ESRRG: variants seen among roughly 807,000 people sequenced by gnomAD.
ESRRG encodes estrogen-related receptor gamma.
ESRRG carries 13 observed loss-of-function variants against 44.0 expected under a neutral mutation model. That is an observed-to-expected ratio of 0.30 (90% CI 0.19 to 0.47). ESRRG has a LOEUF of 0.47. Ranked by LOEUF, ESRRG falls within the 20% of genes least tolerant of loss-of-function variation. The pLI is 1.00. For synonymous variants in ESRRG, 215 were observed against 214.6 expected (o/e 1.00, Z -0.02); for missense variants, 395 against 580.6 (o/e 0.68, Z 3.29).
At chr1:217,040,256 GA>G (rs1460858845) in intron 1 of ESRRG, among the ~76,000 whole-genome samples, 2 of 152,116 alleles carry the variant, frequency 1.3e-5, no homozygotes, top group East Asian at 1.9e-4. Flanking sequence ...GGTCATGGAA[GA>G]AAAAAGTCAC....
intron 1 of ESRRG, among the ~76,000 whole-genome samples, chr1:217,125,659 A>G (rs2092879835): frequency 6.6e-6 from 1 of 152,226 alleles, no homozygotes; most frequent in Non-Finnish European, 1.5e-5. Flanking sequence ...TGATAAAAAC[A>G]TGGCATATCT....
chr1:216,662,376 G>T (rs144188350), intron 2 of ESRRG, among the ~76,000 whole-genome samples: 24 of 152,182 alleles, frequency 1.6e-4, no homozygotes, highest in African/African-American at 5.8e-4. Context: ...ATAAAAGAAG[G>T]TAAAACATTC....
chr1:216,657,576 A>G (rs1173804743), intron 2 of ESRRG, among the ~76,000 whole-genome samples: 1 of 152,114 alleles, frequency 6.6e-6, no homozygotes, highest in Non-Finnish European at 1.5e-5. Context: ...GCCATCACTG[A>G]AGCTATTGTG....
At chr1:216,925,874 C>G (rs769063532) in intron 2 of ESRRG, among the ~76,000 whole-genome samples, 1 of 151,926 alleles carries the variant, frequency 6.6e-6, no homozygotes, top group Non-Finnish European at 1.5e-5. Flanking sequence ...CACTTGAACC[C>G]GGGGGGTGGA....
At position 216,551,790 on chromosome 1, in the gene ESRRG, T is replaced by C. The variant is rs11117615; in HGVS notation, c.862+12429A>G. On this transcript the variant is annotated intron_variant, in intron 5 of 6. Transcript: ENST00000408911. ...GATATAGTAGAGAGGCTGACGGAGA[T>C]TTATTATTGGGTGTGCCTTTAAAGC... Among the ~76,000 whole-genome samples the C allele has an allele frequency of 9.3e-3, 1,422 of 152,156 alleles. 19 individuals carry two copies. Among genetic ancestry groups the C allele is most frequent in the African/African-American group, 0.033 (1,353 of 41,528 alleles).
chr1:217,082,324 A>G lies in ESRRG; in HGVS notation c.-106+7183T>C, dbSNP rs534171226. ...CTTCTTCACCACCTGAAACCAAGTA[A>G]CTTTACCATTTATAAGCACTTTTAT... On this transcript the variant is annotated intron_variant, in intron 1 of 7. Coordinates refer to the ESRRG transcript ENST00000359162. Among the ~76,000 whole-genome samples, 6 of 152,304 alleles carry G rather than the reference A, an allele frequency of 3.9e-5. No individual in the cohort carries two copies. The South Asian group carries it at 1.2e-3, about 32-fold the overall frequency.
intron 1 of ESRRG, among the ~76,000 whole-genome samples, chr1:217,024,831 C>T (rs749392756): frequency 2.0e-5 from 3 of 152,126 alleles, no homozygotes; most frequent in East Asian, 1.9e-4. Flanking sequence ...TTATTGTCTG[C>T]GTTTTATTAT....
At chr1:217,070,153 G>A (rs1465022462) in intron 1 of ESRRG, among the ~76,000 whole-genome samples, 1 of 152,154 alleles carries the variant, frequency 6.6e-6, no homozygotes, top group East Asian at 1.9e-4. Context: ...TTGGCTGTAA[G>A]TTGAGGTGAT....
intron 2 of ESRRG, among the ~76,000 whole-genome samples, chr1:216,918,879 A>G (rs1578143651): frequency 6.7e-6 from 1 of 148,774 alleles, no homozygotes; most frequent in East Asian, 1.9e-4. Context: ...ATGTGTATAT[A>G]TATATAATCA....
intron 2 of ESRRG, chr1:216,863,204 T>TGGTGGTG (rs2096082901): frequency 6.6e-6 from 1 of 152,174 alleles, no homozygotes; most frequent in South Asian, 2.1e-4. Context: ...TAACAGGCTC[T>TGGTGGTG]CTGTGAATGC....
intron 2 of ESRRG, among the ~76,000 whole-genome samples, chr1:216,788,849 C>G (rs2094216939): frequency 1.3e-5 from 2 of 152,036 alleles, no homozygotes; most frequent in Non-Finnish European, 2.9e-5. Context: ...GATTCCAATT[C>G]TCATGAATGA....
chr1:216,717,286 G>A (rs968527990), intron 1 of ESRRG, among the ~76,000 whole-genome samples: 2 of 151,848 alleles, frequency 1.3e-5, no homozygotes, highest in Non-Finnish European at 3.0e-5. Flanking sequence ...AGAAACATGT[G>A]TCACTTCTGG....
chr1:216,705,794 A>G (rs2082331696), intron 1 of ESRRG, among the ~76,000 whole-genome samples: 1 of 152,136 alleles, frequency 6.6e-6, no homozygotes, highest in Non-Finnish European at 1.5e-5. Context: ...TTCAGCCCGA[A>G]TGTTCCTCAG....
intron 2 of ESRRG, among the ~76,000 whole-genome samples, chr1:216,847,423 G>A (rs989149432): frequency 5.9e-5 from 9 of 152,130 alleles, no homozygotes; most frequent in Non-Finnish European, 8.8e-5. Context: ...AAGGTACCAT[G>A]ATTTAACTGG....
intron 2 of ESRRG, among the ~76,000 whole-genome samples, chr1:216,911,557 C>T (rs1010278732): frequency 6.6e-6 from 1 of 152,072 alleles, no homozygotes; most frequent in African/African-American, 2.4e-5. Flanking sequence ...CTAGAATGCA[C>T]GACACCCAGA....
At position 216,695,857 on chromosome 1, in the gene ESRRG, C is replaced by A. The variant is rs529927285; in HGVS notation, c.57-18366G>T. Among the ~76,000 whole-genome samples, 28 of 152,262 alleles carry A rather than the reference C, an allele frequency of 1.8e-4. No homozygotes were observed. In the South Asian group the frequency reaches 2.9e-3, roughly 16 times the overall value. ...GTGGTTAGCATGGGGACTCACAAAG[C>A]ATTAAGCATTGCATGTATACAGCCA... is the stretch of plus-strand genomic sequence containing the variant. On this transcript the variant is annotated intron_variant, in intron 1 of 6. Coordinates refer to ENST00000408911, the MANE Select transcript of ESRRG (RefSeq NM_001438.4).
At chr1:217,116,098 C>T (rs780783329) in intron 1 of ESRRG, among the ~76,000 whole-genome samples, 9 of 152,006 alleles carry the variant, frequency 5.9e-5, no homozygotes, top group Non-Finnish European at 1.0e-4. Flanking sequence ...GTGTTTTTTC[C>T]CAAGATCCTG....
chr1:216,708,860 T>C (rs1214675832), intron 1 of ESRRG, among the ~76,000 whole-genome samples: 1 of 152,158 alleles, frequency 6.6e-6, no homozygotes, highest in Non-Finnish European at 1.5e-5. Context: ...GTGGCACATA[T>C]ACACCACGGA....
At chr1:216,862,155 A>G (rs2096063773) in intron 2 of ESRRG, 1 of 152,094 alleles carries the variant, frequency 6.6e-6, no homozygotes, top group Non-Finnish European at 1.5e-5. Flanking sequence ...TACACTTAAT[A>G]TATGATCTGT....
Sources: allele counts gnomAD v4.1 joint callset (sites outside exome capture counted in the v4.1 genomes callset), GRCh38; gene constraint gnomAD v4.1.1; transcripts MANE v1.5; gene names NCBI Gene and HGNC (gene_info 2026-07-23, HGNC 2026-07-21).